The following LRBA variants were observed in gnomAD, a reference collection of about 807,000 sequenced individuals.
LRBA encodes the protein lipopolysaccharide-responsive and beige-like anchor protein.
In LRBA, 176 loss-of-function variants were observed where a neutral mutation model predicts 330.0. The observed-to-expected ratio is 0.53, with a 90% CI of 0.47 to 0.60. The LOEUF is 0.60. Among genes scored for constraint, LRBA ranks in the 20% least tolerant of loss-of-function variants. The pLI, the probability that LRBA is intolerant of heterozygous loss-of-function variation, is 0.00. For missense variants in LRBA, 3,259 were observed against 3,444.8 expected, an observed-to-expected ratio of 0.95 and a Z score of 1.35; for synonymous variants, 1,230 against 1,193.0, an observed-to-expected ratio of 1.03 and a Z score of -0.64.
intron 47 of LRBA, among the ~76,000 whole-genome samples, chr4:150,357,331 A>G (rs964210598): frequency 2.6e-5 from 4 of 151,934 alleles, no homozygotes; most frequent in African/African-American, 4.8e-5. Flanking sequence ...GCTGTTATAT[A>G]TTTTATACAC....
At chr4:150,706,543 C>T (rs183759038) in intron 36 of LRBA, among the ~76,000 whole-genome samples, 6 of 151,058 alleles carry the variant, frequency 4.0e-5, no homozygotes, top group Admixed American at 4.0e-4. Context: ...TGTTTCTACC[C>T]TTCCAACTAC....
chr4:150,524,093 T>C (rs1763208382), intron 40 of LRBA, among the ~76,000 whole-genome samples: 1 of 152,214 alleles, frequency 6.6e-6, no homozygotes, highest in African/African-American at 2.4e-5. Context: ...CAAGGTTGTT[T>C]TAAGCTTTGT....
chr4:150,980,300 A>G (rs1329515870), intron 2 of LRBA, among the ~76,000 whole-genome samples: 1 of 152,194 alleles, frequency 6.6e-6, no homozygotes, highest in Non-Finnish European at 1.5e-5. Flanking sequence ...AAAACCCTCA[A>G]AAAACTAGGG....
chr4:150,915,782 C>T lies in LRBA; in HGVS notation c.895-55G>A, dbSNP rs1305071307. ...AAAGATAACAATTATCCCAATAACG[C>T]AACCATACTGATGAGTAAAAGTTAA... On this transcript the variant is annotated intron_variant, in intron 7 of 56. Transcript: ENST00000651943. The T allele has an allele frequency of 1.3e-5, 18 of 1,435,976 alleles. No individual in the cohort carries two copies. The Admixed American group carries it at 2.4e-4, about 19-fold the overall frequency. The allele number at this position is 1,435,976 out of a possible 1,614,324, so 89.0% of individuals were successfully genotyped here. A position where few individuals can be genotyped will look rare whatever the true frequency, so the allele number is the denominator to read the frequency against.
At chr4:150,722,163 T>C (rs1030619533) in intron 36 of LRBA, among the ~76,000 whole-genome samples, 2 of 151,472 alleles carry the variant, frequency 1.3e-5, no homozygotes, top group African/African-American at 4.9e-5. Context: ...AAATCCAATT[T>C]GGAAAAAAAA....
intron 49 of LRBA, among the ~76,000 whole-genome samples, chr4:150,323,891 G>C (rs1732886732): frequency 6.6e-6 from 1 of 152,184 alleles, no homozygotes; most frequent in Admixed American, 6.5e-5. Flanking sequence ...AGCCAAGGCT[G>C]GGGTACAAGT....
intron 37 of LRBA, among the ~76,000 whole-genome samples, chr4:150,665,671 T>G (rs1460793053): frequency 6.6e-6 from 1 of 152,252 alleles, no homozygotes; most frequent in Non-Finnish European, 1.5e-5. Flanking sequence ...TGAGTCTGGC[T>G]TCTTTCACTT....
At chr4:150,330,226 T>G (rs1733810941) in intron 48 of LRBA, among the ~76,000 whole-genome samples, 1 of 152,170 alleles carries the variant, frequency 6.6e-6, no homozygotes, top group Non-Finnish European at 1.5e-5. Flanking sequence ...CCTTACATTT[T>G]CTACCATGCC....
intron 52 of LRBA, among the ~76,000 whole-genome samples, chr4:150,307,849 A>G (rs1730561928): frequency 6.6e-6 from 1 of 152,224 alleles, no homozygotes; most frequent in Admixed American, 6.5e-5. Flanking sequence ...GTAAAAGCCC[A>G]AATAATCAAA....
At chr4:151,013,254 C>T (rs1485010139) in intron 2 of LRBA, 1 of 152,192 alleles carries the variant, frequency 6.6e-6, no homozygotes. Flanking sequence ...TCCTGTTATC[C>T]TCTAACACAG....
At chr4:150,880,737 G>A (rs550479843) in intron 17 of LRBA, among the ~76,000 whole-genome samples, 1 of 152,180 alleles carries the variant, frequency 6.6e-6, no homozygotes, top group South Asian at 2.1e-4. Context: ...CAAAGAAACT[G>A]TCAAGAGAGT....
At chr4:150,938,950 C>T in intron 2 of LRBA, among the ~76,000 whole-genome samples, 1 of 152,186 alleles carries the variant, frequency 6.6e-6, no homozygotes, top group East Asian at 1.9e-4. Flanking sequence ...CTATAACTAT[C>T]TCAAATGATG....
rs201954496 is a variant in LRBA, at chr4:150,623,458, AAAT to A, written c.5922-24330_5922-24328del. On this transcript the variant is annotated intron_variant, in intron 37 of 56. Coordinates refer to ENST00000651943, the MANE Select transcript of LRBA (RefSeq NM_001364905.1). ...TATTAAATAGTATATGCCTGTTAAA[AAAT>A]AATGAGGTAGATATACATAAAATAG... Among the ~76,000 whole-genome samples, 116 of 152,292 alleles carry A rather than the reference AAAT, an allele frequency of 7.6e-4. No individual in the cohort carries two copies. In the East Asian group the frequency reaches 0.02, roughly 27 times the overall value.
chr4:150,365,009 TGAGA>T (rs758828996), intron 47 of LRBA, among the ~76,000 whole-genome samples: 56 of 151,566 alleles, frequency 3.7e-4, no homozygotes, highest in African/African-American at 1.2e-3. Context: ...TGTGTGTGTG[TGAGA>T]GAGAGAGAAA....
At chr4:150,997,728 G>C (rs1418831874) in intron 2 of LRBA, among the ~76,000 whole-genome samples, 1 of 151,450 alleles carries the variant, frequency 6.6e-6, no homozygotes, top group Non-Finnish European at 1.5e-5. Flanking sequence ...TTTTGAGACA[G>C]AGTCTCTCTC....
chr4:150,803,339 A>C (rs187808869), intron 33 of LRBA, among the ~76,000 whole-genome samples: 57 of 152,088 alleles, frequency 3.7e-4, no homozygotes, highest in African/African-American at 1.3e-3. Context: ...TTTAAATATT[A>C]AAGCAAAATA....
chr4:150,504,814 C>T (rs1561274882), intron 40 of LRBA, among the ~76,000 whole-genome samples: 1 of 152,148 alleles, frequency 6.6e-6, no homozygotes, highest in Non-Finnish European at 1.5e-5. Flanking sequence ...CATCAGTGTG[C>T]TGTATTCAGG....
At chr4:150,371,182 A>ATTTTTTTTTTTTTTTTTTTTTTTTT (rs70937395) in intron 47 of LRBA, among the ~76,000 whole-genome samples, 5 of 91,926 alleles carry the variant, frequency 5.4e-5, no homozygotes, top group African/African-American at 2.4e-4. Context: ...AAGCTACTAA[A>ATTTTTTTTTTTTTTTTTTTTTTTTT]TTTTTTTTTT....
Position 150,583,952 on chromosome 4 carries a change from T to C in LRBA, c.6330+4096A>G. The C allele has an allele frequency of 6.2e-7, 1 of 1,613,790 alleles. No individual in the cohort carries two copies. The highest frequency in any genetic ancestry group is 8.5e-7 in the Non-Finnish European group (1 of 1,179,880). ...CTCAACGGCATCCTGCTGCAGCTCA[T>C]CTCCTGCCTGCAGTGCCGCCGCTGC... On this transcript the variant is annotated intron_variant, in intron 40 of 56. Transcript: ENST00000651943. This position sits in a 1 kb window ranked among gnomAD's most constrained non-coding sequence, Gnocchi z 9.8.
Sources: allele counts gnomAD v4.1 joint callset (sites outside exome capture counted in the v4.1 genomes callset), GRCh38; gene constraint gnomAD v4.1.1; non-coding constraint Gnocchi (gnomAD v3.1); transcripts MANE v1.5; gene names NCBI Gene and HGNC (gene_info 2026-07-23, HGNC 2026-07-21).